SPATA17: variants seen among roughly 807,000 people sequenced by gnomAD.
SPATA17 encodes the protein spermatogenesis-associated protein 17.
Under a neutral mutation model 62.2 loss-of-function variants are expected in SPATA17, and 53 were observed. The ratio of observed to expected loss-of-function variants is 0.85; its 90% CI spans 0.68 to 1.07. The LOEUF (loss-of-function observed/expected upper bound fraction) is 1.07, where lower values mean the gene tolerates loss of function less well. Ranked by LOEUF, SPATA17 falls within the 50% of genes least tolerant of loss-of-function variation. The pLI, the probability that SPATA17 is intolerant of heterozygous loss-of-function variation, is 0.00. For synonymous variants in SPATA17, 146 were observed against 146.8 expected, an observed-to-expected ratio of 0.99 and a Z score of 0.04; for missense variants, 466 against 425.5, an observed-to-expected ratio of 1.10 and a Z score of -0.84.
rs1351552473 is a variant in SPATA17, at chr1:217,742,006, G to A, written c.427G>A (p.Glu143Lys). The change falls in exon 6 of 11, where the codon GAA becomes AAA. Residue 143 changes from glutamate to lysine, a missense_variant. Coordinates refer to ENST00000366933, the MANE Select transcript of SPATA17 (RefSeq NM_138796.4). ...ACTGGAGGAGTTTGCAGAAATGAAA[G>A]AAAGAGAAGAGAAGAAGGCTAACCT... ...KALEEFAEMK[E>K]REEKKANLER... is the part of the protein sequence containing the mutation. 6.2e-7 allele frequency: 1 copy of A among 1,614,028 alleles called. No homozygotes were observed. Among genetic ancestry groups the A allele is most frequent in the Admixed American group, 1.7e-5 (1 of 60,000 alleles).
chr1:217,666,043 A>G (rs1313061355), intron 3 of SPATA17, among the ~76,000 whole-genome samples: 1 of 152,096 alleles, frequency 6.6e-6, no homozygotes, highest in Non-Finnish European at 1.5e-5. Context: ...TATTCAACAA[A>G]TATTTGGTGA....
At position 217,772,299 on chromosome 1, in the gene SPATA17, T is replaced by A. The variant is rs148137100; in HGVS notation, c.520-2035T>A. Among the ~76,000 whole-genome samples, 3 of 152,322 alleles carry A rather than the reference T, an allele frequency of 2.0e-5. No homozygotes were observed. The East Asian group carries it at 5.8e-4, about 29-fold the overall frequency. On this transcript the variant is annotated intron_variant, in intron 6 of 10. Coordinates refer to ENST00000366933, the MANE Select transcript of SPATA17 (RefSeq NM_138796.4). ...AACATGACATTAAAAATGGTTTATA[T>A]AACTGCCTTTAATGTTTTTCCACAC...
chr1:217,802,682 A>G (rs1268777660), intron 9 of SPATA17, among the ~76,000 whole-genome samples: 4 of 152,056 alleles, frequency 2.6e-5, no homozygotes, highest in African/African-American at 9.7e-5. Context: ...TCACCTCCTT[A>G]CAGGTTCCGT....
At chr1:217,680,917 T>C (rs1671065008) in intron 4 of SPATA17, among the ~76,000 whole-genome samples, 1 of 78,690 alleles carries the variant, frequency 1.3e-5, no homozygotes, top group Non-Finnish European at 2.3e-5. Flanking sequence ...AGAGTGAGAC[T>C]CTGTTAAAAA....
At chr1:217,810,419 C>T (rs923645784) in intron 9 of SPATA17, among the ~76,000 whole-genome samples, 3 of 151,976 alleles carry the variant, frequency 2.0e-5, no homozygotes, top group African/African-American at 4.8e-5. Flanking sequence ...GTCAGGAGTT[C>T]GAGACCAGCC....
chr1:217,682,690 T>G (rs901267136), intron 4 of SPATA17, among the ~76,000 whole-genome samples: 1 of 152,124 alleles, frequency 6.6e-6, no homozygotes. Context: ...TTCTAAAGAT[T>G]AAATAAATGT....
intron 5 of SPATA17, among the ~76,000 whole-genome samples, chr1:217,705,794 C>T (rs1271256215): frequency 6.6e-6 from 1 of 152,094 alleles, no homozygotes; most frequent in Non-Finnish European, 1.5e-5. Context: ...TTCATGAAAA[C>T]TTTGCCAGCA....
intron 4 of SPATA17, 45 bp from the exon 5 acceptor site, chr1:217,683,213 A>C (rs1418495643): frequency 5.2e-6 from 7 of 1,350,330 alleles, no homozygotes; most frequent in Non-Finnish European, 7.2e-6. Context: ...CATTTTTAAT[A>C]AAAGTGTTTA....
chr1:217,785,286 CTATGAAGAGCTACCTGAGACTGGGTAATT>C (rs1673832932), intron 8 of SPATA17, among the ~76,000 whole-genome samples: 1 of 152,110 alleles, frequency 6.6e-6, no homozygotes, highest in Non-Finnish European at 1.5e-5. Flanking sequence ...TCTCACACTG[CTATGAAGAGCTACCTGAGACTGGGTAATT>C]TATGAAGAAA....
intron 5 of SPATA17, among the ~76,000 whole-genome samples, chr1:217,731,129 C>T (rs896834942): frequency 6.6e-6 from 1 of 151,948 alleles, no homozygotes; most frequent in African/African-American, 2.4e-5. Flanking sequence ...CTAATGGTTT[C>T]TTCTCTGCAT....
At chr1:217,756,180 C>T (rs1364683073) in intron 6 of SPATA17, among the ~76,000 whole-genome samples, 1 of 151,966 alleles carries the variant, frequency 6.6e-6, no homozygotes, top group Admixed American at 6.6e-5. Flanking sequence ...AGATACAAAA[C>T]AAGACAGGCA....
intron 7 of SPATA17, among the ~76,000 whole-genome samples, chr1:217,777,521 C>T (rs891283725): frequency 6.6e-6 from 1 of 152,098 alleles, no homozygotes; most frequent in Non-Finnish European, 1.5e-5. Flanking sequence ...CCTGCCTCAG[C>T]CTCCCAAGTA....
At chr1:217,723,277 G>A (rs1672182642) in intron 5 of SPATA17, among the ~76,000 whole-genome samples, 1 of 152,124 alleles carries the variant, frequency 6.6e-6, no homozygotes, top group Non-Finnish European at 1.5e-5. Context: ...TCCTCGGTGA[G>A]CTGAAATGCA....
At chr1:217,776,339 C>T (rs1402083840) in intron 7 of SPATA17, among the ~76,000 whole-genome samples, 4 of 152,160 alleles carry the variant, frequency 2.6e-5, no homozygotes, top group Non-Finnish European at 4.4e-5. Flanking sequence ...TTGGCTCACA[C>T]AATTAAACTC....
In SPATA17 at chr1:217,669,095, T is replaced by A. The variant is rs1224052108; in HGVS notation, c.291+12T>A. On this transcript the variant is annotated intron_variant, in intron 4 of 10. Transcript: ENST00000366933. ...CAATGGCTGTCAGGGTAAATATTTC[T>A]TCACTTGTTAAACAAATGAAAAGTC... The A allele has an allele frequency of 6.2e-7, 1 of 1,608,632 alleles. No individual in the cohort carries two copies.
intron 5 of SPATA17, 63 bp from the exon 6 acceptor site, chr1:217,741,912 C>T: frequency 6.3e-7 from 1 of 1,595,920 alleles, no homozygotes; most frequent in Middle Eastern, 1.7e-4. Flanking sequence ...GATTTATCAT[C>T]AGTGAAAGAA....
chr1:217,702,974 T>C (rs1017042761), intron 5 of SPATA17, among the ~76,000 whole-genome samples: 15 of 151,460 alleles, frequency 9.9e-5, no homozygotes, highest in South Asian at 2.1e-4. Context: ...TCTCCCGTGT[T>C]CAAGTGATTC....
At chr1:217,711,254 A>G (rs1213243098) in intron 5 of SPATA17, among the ~76,000 whole-genome samples, 1 of 152,224 alleles carries the variant, frequency 6.6e-6, no homozygotes, top group Non-Finnish European at 1.5e-5. Flanking sequence ...TAATAAACAT[A>G]GTACCTTAAT....
Position 217,683,278 on chromosome 1 carries a change from CT to C in SPATA17, c.313del (p.Tyr105IlefsTer13), listed in dbSNP as rs781704723. 8 of 1,607,296 alleles carry C rather than the reference CT, an allele frequency of 5.0e-6. No individual in the cohort carries two copies. In the East Asian group the frequency reaches 1.6e-4, roughly 32 times the overall value. Reference sequence around the variant, plus strand: ...AATAGATTCAGAGACGATGGCGAGGCTATAGGGTTCGGAAGTACCTCTTTAA... The same window carrying C: ...AATAGATTCAGAGACGATGGCGAGGCATAGGGTTCGGAAGTACCTCTTTAA... ...AVRIQRRWRG[Y>X]RVRKYLFNYY... On this transcript the variant is annotated frameshift_variant, in exon 5 of 11. Transcript: ENST00000366933. LOFTEE classifies it high-confidence loss of function.
Sources: allele counts gnomAD v4.1 joint callset (sites outside exome capture counted in the v4.1 genomes callset), GRCh38; gene constraint gnomAD v4.1.1; transcripts MANE v1.5; gene names NCBI Gene and HGNC (gene_info 2026-07-23, HGNC 2026-07-21).